TENM2: variants seen among roughly 807,000 people sequenced by gnomAD.
The protein encoded by TENM2 is teneurin-2.
A neutral mutation model predicts 245.2 loss-of-function variants in TENM2; 52 were observed. That is an observed-to-expected ratio of 0.21 (90% confidence interval 0.17 to 0.27). The LOEUF is 0.27. Among genes scored for constraint, TENM2 ranks in the 10% least tolerant of loss-of-function variants. The pLI is 1.00. For synonymous variants in TENM2, 1,363 were observed against 1,438.9 expected (o/e 0.95, Z 1.19); for missense variants, 3,046 against 3,666.8 (o/e 0.83, Z 4.37).
chr5:167,807,293 C>T (rs1402590471), intron 2 of TENM2, among the ~76,000 whole-genome samples: 2 of 151,866 alleles, frequency 1.3e-5, no homozygotes, highest in African/African-American at 4.8e-5. Context: ...TAATAAAAGC[C>T]TGGCCTCCAT....
chr5:167,348,903 C>G (rs184455042), intron 1 of TENM2, among the ~76,000 whole-genome samples: 67 of 152,232 alleles, frequency 4.4e-4, no homozygotes, highest in African/African-American at 1.6e-3. Flanking sequence ...ATTGCATATT[C>G]TGTAAGTCTT....
the TENM2 span, among the ~76,000 whole-genome samples, chr5:167,128,048 G>T: frequency 6.6e-6 from 1 of 152,132 alleles, no homozygotes; most frequent in South Asian, 2.1e-4. Flanking sequence ...GTATGATGCT[G>T]AGTACAAACA....
the TENM2 span, among the ~76,000 whole-genome samples, chr5:167,008,589 T>A: frequency 6.6e-6 from 1 of 152,202 alleles, no homozygotes; most frequent in African/African-American, 2.4e-5. Context: ...GCATTACCTT[T>A]GTGAATTAGC....
chr5:167,772,245 A>G (rs1439446308), intron 2 of TENM2, among the ~76,000 whole-genome samples: 2 of 152,186 alleles, frequency 1.3e-5, no homozygotes, highest in Non-Finnish European at 2.9e-5. Context: ...TAAGATGAAT[A>G]CCACTTGAGA....
At chr5:167,008,341 A>T in the TENM2 span, among the ~76,000 whole-genome samples, 1 of 152,204 alleles carries the variant, frequency 6.6e-6, no homozygotes. Flanking sequence ...AATTTTTAAT[A>T]GAGTCAGAAG....
the TENM2 span, among the ~76,000 whole-genome samples, chr5:167,263,393 C>T: frequency 1.3e-5 from 2 of 152,120 alleles, no homozygotes; most frequent in Non-Finnish European, 2.9e-5. Context: ...GAATTCGAAG[C>T]CATGGGAGTA....
At chr5:168,173,685 A>G (rs1176772998) in intron 13 of TENM2, among the ~76,000 whole-genome samples, 1 of 152,180 alleles carries the variant, frequency 6.6e-6, no homozygotes, top group African/African-American at 2.4e-5. Flanking sequence ...ATGTGAATGA[A>G]TAAGACTCAA....
intron 2 of TENM2, among the ~76,000 whole-genome samples, chr5:167,461,901 C>T (rs1244822071): frequency 6.6e-6 from 1 of 152,042 alleles, no homozygotes; most frequent in Non-Finnish European, 1.5e-5. Context: ...TAGTGGTTTA[C>T]AGTATATGTG....
chr5:168,222,048 T>C (rs1763716579), intron 23 of TENM2, among the ~76,000 whole-genome samples: 1 of 152,222 alleles, frequency 6.6e-6, no homozygotes, highest in African/African-American at 2.4e-5. Context: ...GAGTATAGGC[T>C]AATGGGATTT....
At chr5:167,272,021 C>T in the TENM2 span, among the ~76,000 whole-genome samples, 1 of 152,220 alleles carries the variant, frequency 6.6e-6, no homozygotes, top group African/African-American at 2.4e-5. Context: ...TGGAGTGTAT[C>T]TATGCTTAGA....
At position 167,674,569 on chromosome 5, in the gene TENM2, C is replaced by T. The variant is rs573121847; in HGVS notation, c.503-201417C>T. 3.3e-5 allele frequency among the ~76,000 whole-genome samples: 5 copies of T among 152,082 alleles called. No homozygotes were observed. The South Asian group carries it at 6.2e-4, about 19-fold the overall frequency. ...TAATTTTTAACAGACATTAAAAATTCGAGACCAAGTTTCTACTGCTTATAA... is the reference window on the plus strand; with the variant it reads ...TAATTTTTAACAGACATTAAAAATTTGAGACCAAGTTTCTACTGCTTATAA... On this transcript the variant is annotated intron_variant, in intron 2 of 28. Coordinates refer to ENST00000518659, the Ensembl canonical transcript of TENM2.
intron 2 of TENM2, among the ~76,000 whole-genome samples, chr5:167,415,582 T>C (rs1763122919): frequency 1.3e-5 from 2 of 152,180 alleles, no homozygotes; most frequent in Admixed American, 1.3e-4. Context: ...TGAAAACTTC[T>C]GAATTTCCTG....
chr5:168,099,202 GC>G (rs1446651546), intron 9 of TENM2, among the ~76,000 whole-genome samples: 1 of 152,056 alleles, frequency 6.6e-6, no homozygotes, highest in Non-Finnish European at 1.5e-5. Context: ...GAGCCACTGT[GC>G]CCGGCCTCGT....
chr5:167,600,052 G>T (rs971869338), intron 2 of TENM2, among the ~76,000 whole-genome samples: 2 of 28,358 alleles, frequency 7.1e-5, no homozygotes, highest in Non-Finnish European at 1.9e-4. Context: ...AGGCTGAGGC[G>T]GGAGAATTGC....
intron 13 of TENM2, among the ~76,000 whole-genome samples, chr5:168,163,744 T>C (rs1191333718): frequency 6.6e-6 from 1 of 152,206 alleles, no homozygotes; most frequent in East Asian, 1.9e-4. Flanking sequence ...TACAAAGTTT[T>C]CCAGTGTGTA....
At chr5:167,153,041 C>G in the TENM2 span, among the ~76,000 whole-genome samples, 1 of 151,812 alleles carries the variant, frequency 6.6e-6, no homozygotes, top group Admixed American at 6.6e-5. Context: ...GTGACTTATA[C>G]TACTTTGAGG....
intron 1 of TENM2, among the ~76,000 whole-genome samples, chr5:167,289,622 C>A (rs1754524505): frequency 6.6e-6 from 1 of 152,178 alleles, no homozygotes; most frequent in South Asian, 2.1e-4. Flanking sequence ...GGTTTTGGTA[C>A]TCCATAAACT....
At chr5:167,533,175 G>T (rs1001320471) in intron 2 of TENM2, among the ~76,000 whole-genome samples, 2 of 152,152 alleles carry the variant, frequency 1.3e-5, no homozygotes, top group African/African-American at 4.8e-5. Flanking sequence ...AATAGTGAAA[G>T]ATAGTATGGC....
At chr5:167,643,116 G>A (rs1014168402) in intron 2 of TENM2, among the ~76,000 whole-genome samples, 2 of 152,178 alleles carry the variant, frequency 1.3e-5, no homozygotes, top group Admixed American at 6.5e-5. Context: ...TTTTATAGAG[G>A]TATATTTTGT....
Sources: gnomAD v4.1 joint callset for allele counts (sites outside exome capture counted in the v4.1 genomes callset) on GRCh38, gnomAD v4.1.1 for gene constraint, MANE v1.5 for transcripts, NCBI Gene and HGNC (gene_info 2026-07-23, HGNC 2026-07-21) for gene names.